The following TTC14 variants were observed in gnomAD, a reference collection of about 807,000 sequenced individuals.
The protein encoded by TTC14 is tetratricopeptide repeat protein 14.
Under a neutral mutation model 79.9 loss-of-function variants are expected in TTC14, and 63 were observed. The observed-to-expected ratio is 0.79, with a 90% CI of 0.64 to 0.97. The LOEUF is 0.97. Among genes scored for constraint, TTC14 ranks in the 50% least tolerant of loss-of-function variants. TTC14 has a pLI of 0.00. For synonymous variants in TTC14, 335 were observed against 309.6 expected (o/e 1.08, Z -0.86); for missense variants, 895 against 894.0 (o/e 1.00, Z -0.01).
Position 180,610,483 on chromosome 3 carries a change from A to G in TTC14, c.2254A>G (p.Asn752Asp). The G allele has an allele frequency of 6.3e-7, 1 of 1,599,382 alleles. No homozygotes were observed. Among genetic ancestry groups the G allele is most frequent in the Non-Finnish European group, 8.5e-7 (1 of 1,176,338 alleles). Reference sequence around the variant, plus strand: ...GAAAAATTTACCTCAGAATTTACTGAATATATTTAATCAGATAGCTGAATT... The same window carrying G: ...GAAAAATTTACCTCAGAATTTACTGGATATATTTAATCAGATAGCTGAATT... ...VKKNLPQNLL[N>D]IFNQIAEFEK... is the part of the protein sequence containing the mutation. Residue 752 changes from asparagine (N) to aspartate (D), a missense_variant, in exon 12 of 12, where the codon AAT becomes GAT. By Grantham distance (23) the Asn-to-Asp change is conservative. Transcript: ENST00000296015.
chr3:180,604,880 T>G lies in TTC14; in HGVS notation c.730T>G (p.Leu244Val), dbSNP rs764939923. 1 of 1,613,138 alleles carries G rather than the reference T, an allele frequency of 6.2e-7. No individual in the cohort carries two copies. Among genetic ancestry groups the G allele is most frequent in the Non-Finnish European group, 8.5e-7 (1 of 1,179,778 alleles). ...RRSVELNSNS[L>V]ESYENVMQSS... ...AAGTGTTGAGCTAAATAGCAATTCT[T>G]TGGAGTCCTATGAAAATGTCATGCA... The change falls in exon 6 of 12, where the codon TTG becomes GTG. Residue 244 changes from leucine to valine, a missense_variant. Transcript: ENST00000296015.
Position 180,610,825 on chromosome 3 carries a change from T to G in TTC14, c.*283T>G, listed in dbSNP as rs1409601684. Reference sequence around the variant, plus strand: ...AAGATAATTCTCTGAAAGTACTGTTTCTTCATTCTATTGCGGTATATGAGA... The same window carrying G: ...AAGATAATTCTCTGAAAGTACTGTTGCTTCATTCTATTGCGGTATATGAGA... On this transcript the variant is annotated 3_prime_UTR_variant, in exon 12 of 12. Transcript: ENST00000296015. The G allele has an allele frequency of 6.7e-5, 68 of 1,016,782 alleles. No individual in the cohort carries two copies. Among genetic ancestry groups the G allele is most frequent in the Admixed American group, 1.1e-4 (2 of 18,522 alleles). 63.0% of individuals were successfully genotyped at this position (1,016,782 alleles called of 1,614,324 possible).
In TTC14 at chr3:180,603,109, ATT is replaced by A. The variant is rs557781816; in HGVS notation, c.287-4_287-3del. On this transcript the variant is annotated splice_polypyrimidine_tract_variant and intron_variant, in intron 2 of 11. Coordinates refer to ENST00000296015, the MANE Select transcript of TTC14 (RefSeq NM_133462.4). The stretch of plus-strand genomic sequence containing the variant: ...AAAACTATCGTTAGTGATTTTGTTA[ATT>A]TTTTTTTTTTAGATCATTATGCAAT... 5.7e-5 allele frequency: 69 copies of A among 1,203,942 alleles called. No individual in the cohort carries two copies. The highest frequency in any genetic ancestry group is 2.1e-5 in the Admixed American group (1 of 48,616). The allele number at this position is 1,203,942 out of a possible 1,614,324, so 74.6% of individuals were successfully genotyped here.
At chr3:180,604,779 G>T in intron 5 of TTC14, 73 bp from the exon 6 acceptor site, 1 of 1,487,660 alleles carries the variant, frequency 6.7e-7, no homozygotes, top group Non-Finnish European at 9.1e-7. Context: ...AACCTCAAAT[G>T]ATATTATTTC....
At chr3:180,605,238 T>C (rs1284047169) in intron 6 of TTC14, 8 of 374,220 alleles carry the variant, frequency 2.1e-5, no homozygotes, top group Non-Finnish European at 3.3e-5. Context: ...TTATAAGAAT[T>C]TTGTGTGTAT....
At chr3:180,605,235 A>C (rs1716610927) in intron 6 of TTC14, 1 of 380,360 alleles carries the variant, frequency 2.6e-6, no homozygotes, top group Non-Finnish European at 4.6e-6. Flanking sequence ...TTTTTATAAG[A>C]ATTTTGTGTG....
At chr3:180,609,251 C>T (rs1227865959) in intron 11 of TTC14, 3 of 590,260 alleles carry the variant, frequency 5.1e-6, no homozygotes, top group African/African-American at 2.0e-5. Context: ...CTCCCACCCG[C>T]ACCCCCACCC....
At position 180,610,520 on chromosome 3, in the gene TTC14, A is replaced by G. The variant is rs202126753; in HGVS notation, c.2291A>G (p.Lys764Arg). The change falls in exon 12 of 12, where the codon AAA becomes AGA. Residue 764 changes from lysine (K) to arginine (R), a missense_variant. Coordinates refer to ENST00000296015, the MANE Select transcript of TTC14 (RefSeq NM_133462.4). ...FNQIAEFEKE[K>R]GNKSKN ...CAGATAGCTGAATTTGAAAAAGAAA[A>G]AGGAAATAAGTCAAAAAATTAATAC... is the stretch of plus-strand genomic sequence containing the variant. The G allele has an allele frequency of 6.3e-7, 1 of 1,575,262 alleles. No homozygotes were observed. The highest frequency in any genetic ancestry group is 1.4e-5 in the African/African-American group (1 of 72,666).
downstream of TTC14, among the ~76,000 whole-genome samples, chr3:180,618,132 C>A (rs1717317178): frequency 6.6e-6 from 1 of 152,132 alleles, no homozygotes; most frequent in African/African-American, 2.4e-5. Flanking sequence ...TAGGCTATAC[C>A]ATCTAGGTTT....
chr3:180,602,241 C>T lies in TTC14; in HGVS notation c.-21C>T, dbSNP rs2108387733. On this transcript the variant is annotated 5_prime_UTR_variant, in exon 1 of 12. Transcript: ENST00000296015. ...AGGGAACTATCAGCCCGTCGGCCTC[C>T]GGGCCCTGCATTCTCTAGCCATGGA... The T allele has an allele frequency of 6.2e-7, 1 of 1,612,584 alleles. No homozygotes were observed. Among genetic ancestry groups the T allele is most frequent in the Non-Finnish European group, 8.5e-7 (1 of 1,179,358 alleles).
intron 11 of TTC14, 110 bp downstream of exon 11, chr3:180,608,920 A>G: frequency 1.6e-6 from 2 of 1,260,144 alleles, no homozygotes; most frequent in Non-Finnish European, 2.0e-6. Flanking sequence ...TCAAGTGCCA[A>G]TCAGTGACTG....
chr3:180,603,394 G>C (rs771784514), intron 3 of TTC14, 71 bp downstream of exon 3: 5 of 1,303,208 alleles, frequency 3.8e-6, no homozygotes, highest in Non-Finnish European at 5.6e-6. Flanking sequence ...CTATATCTTT[G>C]CATGCAGTTG....
chr3:180,608,809 A>C lies in TTC14; in HGVS notation c.1399A>C (p.Arg467=). The C allele has an allele frequency of 6.5e-7, 1 of 1,527,884 alleles. No individual in the cohort carries two copies. The highest frequency in any genetic ancestry group is 1.3e-5 in the South Asian group (1 of 77,286). 94.6% of individuals were successfully genotyped at this position (1,527,884 alleles called of 1,614,324 possible). The part of the protein sequence containing the change: ...KLRKLLKEEK[R]LKKKRRKSTS... ...GCGTAAGCTCTTAAAAGAAGAGAAG[A>C]GGTAAACTATAATATTCAGTATTTT... The change falls in exon 11 of 12, where the codon AGG becomes CGG. Residue 467 remains arginine, a splice_region_variant and synonymous_variant. Coordinates refer to ENST00000296015, the MANE Select transcript of TTC14 (RefSeq NM_133462.4).
rs1576918474 is a variant in TTC14 at position 180,604,383 on chromosome 3, A to G, written c.571+74A>G. ...TGTTTTTATTAATTTAAAAAAATAC[A>G]GTCTAAGAGGGTAGTGTTTGGGAAA... On this transcript the variant is annotated intron_variant, in intron 4 of 11. Coordinates refer to ENST00000296015, the MANE Select transcript of TTC14 (RefSeq NM_133462.4). 1.0e-5 allele frequency: 16 copies of G among 1,544,194 alleles called. No individual in the cohort carries two copies. The South Asian group carries it at 1.8e-4, about 17-fold the overall frequency.
In TTC14 at chr3:180,610,981, A is replaced by G; in HGVS notation, c.*439A>G. The G allele has an allele frequency of 9.5e-6, 9 of 944,724 alleles. No individual in the cohort carries two copies. The highest frequency in any genetic ancestry group is 1.1e-5 in the Non-Finnish European group (9 of 792,936). 58.5% of individuals were successfully genotyped at this position (944,724 alleles called of 1,614,324 possible). Reference sequence around the variant, plus strand: ...AAATCGTCAGCTTTTGAAAGATTATATGTTCGAATGTTTCTTGAACACTTT... The same window carrying G: ...AAATCGTCAGCTTTTGAAAGATTATGTGTTCGAATGTTTCTTGAACACTTT... On this transcript the variant is annotated 3_prime_UTR_variant, in exon 12 of 12. Coordinates refer to ENST00000296015, the MANE Select transcript of TTC14 (RefSeq NM_133462.4).
downstream of TTC14, among the ~76,000 whole-genome samples, chr3:180,612,827 G>A (rs925392239): frequency 6.6e-6 from 1 of 152,144 alleles, no homozygotes; most frequent in Admixed American, 6.5e-5. Flanking sequence ...CCTGCAGAAT[G>A]GGACAAAATG....
Position 180,610,144 on chromosome 3 carries a change from G to A in TTC14, c.1915G>A (p.Asp639Asn). The A allele has an allele frequency of 6.2e-7, 1 of 1,612,746 alleles. No individual in the cohort carries two copies. The highest frequency in any genetic ancestry group is 8.5e-7 in the Non-Finnish European group (1 of 1,179,638). The change falls in exon 12 of 12, where the codon GAC becomes AAC. Residue 639 changes from aspartate to asparagine, a missense_variant. By Grantham distance (23) the Asp-to-Asn change is conservative. Transcript: ENST00000296015. Reference protein sequence around the residue: ...SSDSFCRNSEDKIYGYRRFEK... With the variant: ...SSDSFCRNSENKIYGYRRFEK... ...AGATTCCTTCTGTAGGAATTCAGAG[G>A]ACAAGATTTATGGTTATAGGAGATT... is the stretch of plus-strand genomic sequence containing the variant.
Position 180,603,203 on chromosome 3 carries a change from T to A in TTC14, c.366T>A (p.Asp122Glu). Residue 122 changes from aspartate (D) to glutamate (E), a missense_variant, in exon 3 of 12, where the codon GAT (aspartate) becomes GAA (glutamate). Asp to Glu is a conservative substitution (Grantham distance 45). Coordinates refer to ENST00000296015, the MANE Select transcript of TTC14 (RefSeq NM_133462.4). The part of the protein sequence containing the change: ...SMDRRELFFR[D>E]IERGDIVIGR... Reference sequence around the variant, plus strand: ...ATCGGAGAGAGCTGTTTTTCCGAGATATTGAGCGTGGTGATATAGTGATTG... The same window carrying A: ...ATCGGAGAGAGCTGTTTTTCCGAGAAATTGAGCGTGGTGATATAGTGATTG... The A allele has an allele frequency of 6.2e-7, 1 of 1,614,120 alleles. No individual in the cohort carries two copies. The highest frequency in any genetic ancestry group is 8.5e-7 in the Non-Finnish European group (1 of 1,180,002).
chr3:180,603,068 A>T, intron 2 of TTC14, 53 bp downstream of exon 2: 2 of 1,610,888 alleles, frequency 1.2e-6, no homozygotes, highest in Non-Finnish European at 1.7e-6. Context: ...ACAGTACTTC[A>T]GGTGAAACGG....
Sources: allele counts gnomAD v4.1 joint callset (sites outside exome capture counted in the v4.1 genomes callset), GRCh38; gene constraint gnomAD v4.1.1; transcripts MANE v1.5; gene names NCBI Gene and HGNC (gene_info 2026-07-23, HGNC 2026-07-21).